The following GLIS1 variants were observed in gnomAD, a reference collection of about 807,000 sequenced individuals.
GLIS1 encodes zinc finger protein GLIS1.
A neutral mutation model predicts 63.8 loss-of-function variants in GLIS1; 24 were observed. That is an observed-to-expected ratio of 0.38 (90% confidence interval 0.27 to 0.53). GLIS1 has a LOEUF of 0.53. Ranked by LOEUF, GLIS1 falls within the 20% of genes least tolerant of loss-of-function variation. The pLI, the probability that GLIS1 is intolerant of heterozygous loss-of-function variation, is 0.85. For missense variants in GLIS1, 1,036 were observed against 1,074.1 expected (o/e 0.96, Z 0.50); for synonymous variants, 450 against 482.5 (o/e 0.93, Z 0.88).
In GLIS1 at chr1:53,664,488, C is replaced by T. The variant is rs151153478; in HGVS notation, c.260-64210G>A. ...CATCATCACATGCAGACAACCATAA[C>T]AATGGAAAAGTATTTAGCATTCAAT... On this transcript the variant is annotated intron_variant, in intron 2 of 10. Transcript: ENST00000628545. 1.2e-3 allele frequency among the ~76,000 whole-genome samples: 181 copies of T among 152,332 alleles called. 3 individuals are homozygous for T. The East Asian group carries it at 0.025, about 21-fold the overall frequency.
At chr1:53,558,008 G>A (rs1416851769) in intron 4 of GLIS1, among the ~76,000 whole-genome samples, 1 of 152,228 alleles carries the variant, frequency 6.6e-6, no homozygotes, top group African/African-American at 2.4e-5. Flanking sequence ...GGATGGTGGA[G>A]TCACTAATTA....
intron 7 of GLIS1, among the ~76,000 whole-genome samples, chr1:53,520,178 G>A (rs1196224230): frequency 6.6e-6 from 1 of 152,216 alleles, no homozygotes; most frequent in Non-Finnish European, 1.5e-5. Flanking sequence ...GGACAAGGAG[G>A]TGGGTCCTGA....
At chr1:53,683,552 C>A (rs182300281) in intron 2 of GLIS1, among the ~76,000 whole-genome samples, 1 of 152,150 alleles carries the variant, frequency 6.6e-6, no homozygotes, top group African/African-American at 2.4e-5. Flanking sequence ...GTGGATCACA[C>A]GAGATCATCC....
intron 2 of GLIS1, among the ~76,000 whole-genome samples, chr1:53,612,888 G>A (rs928491172): frequency 4.0e-5 from 6 of 150,188 alleles, no homozygotes; most frequent in African/African-American, 2.5e-5. Context: ...GCACGATCTC[G>A]ACTCACAGCA....
chr1:53,506,992 G>C (rs1004872092), intron 10 of GLIS1, among the ~76,000 whole-genome samples: 7 of 152,124 alleles, frequency 4.6e-5, no homozygotes, highest in Non-Finnish European at 7.4e-5. Flanking sequence ...GGCACACCCA[G>C]GGGGCCCAGG....
chr1:53,614,199 A>G (rs1395858595), intron 2 of GLIS1, among the ~76,000 whole-genome samples: 1 of 152,268 alleles, frequency 6.6e-6, no homozygotes, highest in African/African-American at 2.4e-5. Flanking sequence ...TTCCAATAAC[A>G]GGACAGTTTC....
chr1:53,593,034 T>C (rs1308392020), intron 4 of GLIS1, among the ~76,000 whole-genome samples: 1 of 152,228 alleles, frequency 6.6e-6, no homozygotes, highest in African/African-American at 2.4e-5. Context: ...ACTATGCCCC[T>C]TCCCAGACCA....
chr1:53,666,957 T>G (rs1218699212), intron 2 of GLIS1, among the ~76,000 whole-genome samples: 1 of 152,112 alleles, frequency 6.6e-6, no homozygotes, highest in Non-Finnish European at 1.5e-5. Context: ...CAGAACATCA[T>G]CTCCTTTCAT....
chr1:53,536,076 G>C (rs1359558480), intron 4 of GLIS1, among the ~76,000 whole-genome samples: 4 of 152,152 alleles, frequency 2.6e-5, no homozygotes, highest in Non-Finnish European at 5.9e-5. Context: ...GGGGCACACT[G>C]TGGGGGCTCT....
chr1:53,530,184 G>A (rs1644515183), intron 4 of GLIS1, among the ~76,000 whole-genome samples: 1 of 152,210 alleles, frequency 6.6e-6, no homozygotes, highest in Non-Finnish European at 1.5e-5. Context: ...GGGCGTGAGG[G>A]CTGGAGAAGA....
At chr1:53,662,725 A>G (rs1646042647) in intron 2 of GLIS1, among the ~76,000 whole-genome samples, 1 of 151,984 alleles carries the variant, frequency 6.6e-6, no homozygotes, top group South Asian at 2.1e-4. Context: ...CCTCACCTCC[A>G]AACCTATGCC....
At chr1:53,673,776 T>C (rs1646180373) in intron 2 of GLIS1, among the ~76,000 whole-genome samples, 1 of 152,236 alleles carries the variant, frequency 6.6e-6, no homozygotes. Flanking sequence ...CATTCCCTAA[T>C]GCTAAGCACA....
At chr1:53,689,891 C>A (rs947311364) in intron 2 of GLIS1, among the ~76,000 whole-genome samples, 4 of 152,214 alleles carry the variant, frequency 2.6e-5, no homozygotes, top group Admixed American at 2.0e-4. Context: ...CACATGTGCC[C>A]TTCAGAGCCG....
At chr1:53,692,961 C>T (rs1048046901) in intron 2 of GLIS1, among the ~76,000 whole-genome samples, 1 of 152,224 alleles carries the variant, frequency 6.6e-6, no homozygotes, top group Non-Finnish European at 1.5e-5. Flanking sequence ...TCCCAGGAAG[C>T]ACCTCCAGAG....
intron 10 of GLIS1, 115 bp from the exon 11 acceptor site, chr1:53,506,891 G>C: frequency 9.4e-7 from 1 of 1,065,512 alleles, no homozygotes; most frequent in Non-Finnish European, 1.3e-6. Flanking sequence ...ACAGTGTCCC[G>C]TCGGTGGGGC....
intron 2 of GLIS1, among the ~76,000 whole-genome samples, chr1:53,720,351 C>T (rs1265396724): frequency 6.6e-6 from 1 of 152,154 alleles, no homozygotes; most frequent in African/African-American, 2.4e-5. Flanking sequence ...CTGTCATCTG[C>T]ATCAACATGG....
At chr1:53,614,674 G>A (rs4927017) in intron 2 of GLIS1, among the ~76,000 whole-genome samples, 33,365 of 152,046 alleles carry the variant, frequency 0.22, 3,804 homozygotes, top group East Asian at 0.4. Context: ...TGGGATTAGG[G>A]GTGTTAAAAG....
intron 4 of GLIS1, among the ~76,000 whole-genome samples, chr1:53,530,396 C>T (rs962982319): frequency 6.6e-6 from 1 of 152,160 alleles, no homozygotes; most frequent in Non-Finnish European, 1.5e-5. Context: ...CTCTTGACCC[C>T]TCTGCGCCTT....
intron 2 of GLIS1, among the ~76,000 whole-genome samples, chr1:53,620,503 G>C (rs1645531577): frequency 6.6e-6 from 1 of 152,228 alleles, no homozygotes; most frequent in Admixed American, 6.5e-5. Flanking sequence ...TCGGCGGCTT[G>C]GCCATGAATG....
Sources: gnomAD v4.1 joint callset for allele counts (sites outside exome capture counted in the v4.1 genomes callset) on GRCh38, gnomAD v4.1.1 for gene constraint, MANE v1.5 for transcripts, NCBI Gene and HGNC (gene_info 2026-07-23, HGNC 2026-07-21) for gene names.